Variants in ABCC2 observed in about 807,000 individuals in gnomAD.
ABCC2 encodes the protein ATP binding cassette subfamily C member 2, also known as ATP-binding cassette sub-family C member 2.
ABCC2 carries 157 observed loss-of-function variants against 173.4 expected under a neutral mutation model. That is an observed-to-expected ratio of 0.91 (90% CI 0.80 to 1.03). The LOEUF is 1.03. Ranked by LOEUF, ABCC2 falls within the 50% of genes least tolerant of loss-of-function variation. The probability of loss-of-function intolerance (pLI) is 0.00; values close to 1 mark genes in which losing one functional copy is unlikely to be tolerated. For missense variants in ABCC2, 1,822 were observed against 1,852.3 expected, an observed-to-expected ratio of 0.98 and a Z score of 0.30; for synonymous variants, 657 against 693.5, an observed-to-expected ratio of 0.95 and a Z score of 0.83.
At chr10:99,805,492 G>A in intron 11 of ABCC2, 45 bp downstream of exon 11, 2 of 1,582,242 alleles carry the variant, frequency 1.3e-6, no homozygotes, top group South Asian at 1.1e-5. Context: ...AAGGACAGAA[G>A]CAGTGGCTCT....
intron 11 of ABCC2, among the ~76,000 whole-genome samples, chr10:99,806,077 C>CTCTGTGTGTGTGTGTGTGTGTG (rs10644836): frequency 9.0e-4 from 133 of 148,142 alleles, no homozygotes; most frequent in Middle Eastern, 3.5e-3. Flanking sequence ...CTCTCTCTGT[C>CTCTGTGTGTGTGTGTGTGTGTG]TGTGTGTGTG....
chr10:99,784,210 A>G (rs1218270411), intron 1 of ABCC2, among the ~76,000 whole-genome samples: 1 of 152,112 alleles, frequency 6.6e-6, no homozygotes. Context: ...ATGTTTGAAT[A>G]TCTGCCAGTG....
At chr10:99,786,013 G>A (rs2037704417) in intron 2 of ABCC2, among the ~76,000 whole-genome samples, 2 of 152,188 alleles carry the variant, frequency 1.3e-5, no homozygotes, top group South Asian at 4.1e-4. Flanking sequence ...ATTCAAAAAA[G>A]AACAGTCTCA....
chr10:99,806,077 CTGTGTGTGTG>C (rs10559742), intron 11 of ABCC2, among the ~76,000 whole-genome samples: 6 of 148,038 alleles, frequency 4.1e-5, no homozygotes, highest in African/African-American at 7.6e-5. Context: ...CTCTCTCTGT[CTGTGTGTGTG>C]TGTGTGTGTG....
At chr10:99,824,945 T>C (rs201676600) in intron 19 of ABCC2, among the ~76,000 whole-genome samples, 87 of 89,922 alleles carry the variant, frequency 9.7e-4, no homozygotes, top group Middle Eastern at 0.01. Context: ...GCCACTGATT[T>C]ACCCACACCG....
intron 5 of ABCC2, 151 bp downstream of exon 5, chr10:99,794,150 G>GAC (rs1564671192): frequency 1.4e-5 from 8 of 552,664 alleles, no homozygotes; most frequent in Non-Finnish European, 2.0e-5. Context: ...AGATAGTGAT[G>GAC]AGAGTAAAAT....
At chr10:99,843,665 C>T in intron 26 of ABCC2, 134 bp from the exon 27 acceptor site, 1 of 815,498 alleles carries the variant, frequency 1.2e-6, no homozygotes, top group South Asian at 1.3e-5. Context: ...GTCTTTCTTA[C>T]ACTTTTCCTT....
In ABCC2 at chr10:99,835,543, C is replaced by G. The variant is rs888229162; in HGVS notation, c.3415-548C>G. Among the ~76,000 whole-genome samples, 3 of 152,224 alleles carry G rather than the reference C, an allele frequency of 2.0e-5. 1 individual carries two copies. Among genetic ancestry groups the G allele is most frequent in the Admixed American group, 6.5e-5 (1 of 15,284 alleles). On this transcript the variant is annotated intron_variant, in intron 24 of 31. Transcript: ENST00000647814. ...TTCTACCCTGTTCCAGTTCTTACCC[C>G]CTCAGCACTCTGCATACCTCCAGAA...
chr10:99,806,079 G>GTCTCTCTC (rs2038098238), intron 11 of ABCC2, among the ~76,000 whole-genome samples: 3 of 868 alleles, frequency 3.5e-3, no homozygotes, highest in African/African-American at 6.6e-3. Flanking sequence ...CTCTCTGTCT[G>GTCTCTCTC]TGTGTGTGTG....
At position 99,831,805 on chromosome 10, in the gene ABCC2, C is replaced by A. The variant is rs758890954; in HGVS notation, c.3078C>A (p.Val1026=). Residue 1026 remains valine (V), a synonymous_variant, in exon 22 of 32, where the codon GTC becomes GTA. Transcript: ENST00000647814. ...CTCAGAGGGACATGAGAGTTGGAGT[C>A]TACGGAGCTCTGGGATTAGCCCAAG... The part of the protein sequence containing the change: ...PASQRDMRVG[V]YGALGLAQGI... The A allele has an allele frequency of 1.9e-6, 3 of 1,614,182 alleles. No individual in the cohort carries two copies. In the East Asian group the frequency reaches 6.7e-5, roughly 36 times the overall value.
chr10:99,849,545 C>T (rs1463020087), intron 30 of ABCC2, among the ~76,000 whole-genome samples: 1 of 152,202 alleles, frequency 6.6e-6, no homozygotes, highest in Non-Finnish European at 1.5e-5. Context: ...CTAAAACTTA[C>T]ATTTCTCTGT....
rs764777868 is a variant in ABCC2, at chr10:99,794,497, G to A, written c.632+29G>A. 15 of 1,576,804 alleles carry A rather than the reference G, an allele frequency of 9.5e-6. No individual in the cohort carries two copies. In the African/African-American group the frequency reaches 1.5e-4, roughly 16 times the overall value. On this transcript the variant is annotated intron_variant, in intron 6 of 31. Transcript: ENST00000647814. Reference sequence around the variant, plus strand: ...GGAAAGCCTGGAGTATGGATTGGCTGTATCCTTACTCTCTCACTCCTCTGA... The same window carrying A: ...GGAAAGCCTGGAGTATGGATTGGCTATATCCTTACTCTCTCACTCCTCTGA...
chr10:99,819,024 G>A, intron 18 of ABCC2, 65 bp from the exon 19 acceptor site: 1 of 1,611,356 alleles, frequency 6.2e-7, no homozygotes, highest in Non-Finnish European at 8.5e-7. Context: ...GGACATGTCT[G>A]GCAAGTAAGA....
chr10:99,795,513 A>G (rs2037885178), intron 6 of ABCC2, among the ~76,000 whole-genome samples: 1 of 152,094 alleles, frequency 6.6e-6, no homozygotes, highest in Admixed American at 6.6e-5. Flanking sequence ...AGCCTGGCCA[A>G]CATGGTGAAA....
chr10:99,850,893 C>A, intron 31 of ABCC2, 97 bp downstream of exon 31: 1 of 1,397,982 alleles, frequency 7.2e-7, no homozygotes. Flanking sequence ...AAGGTTTAAC[C>A]ACCACCACAT....
chr10:99,801,240 G>T (rs2038011381), intron 9 of ABCC2, among the ~76,000 whole-genome samples: 1 of 151,850 alleles, frequency 6.6e-6, no homozygotes, highest in Admixed American at 6.6e-5. Context: ...GTTTTGTTTT[G>T]TTTTGGTTGT....
intron 16 of ABCC2, among the ~76,000 whole-genome samples, chr10:99,815,674 A>T (rs538570090): frequency 3.2e-4 from 49 of 152,222 alleles, no homozygotes; most frequent in African/African-American, 7.0e-4. Flanking sequence ...AGATCTTCAT[A>T]TATATATTGC....
At chr10:99,805,914 A>G (rs1055587208) in intron 11 of ABCC2, among the ~76,000 whole-genome samples, 3 of 152,160 alleles carry the variant, frequency 2.0e-5, no homozygotes, top group African/African-American at 7.2e-5. Context: ...CATACCTACA[A>G]AAAAAATTAA....
chr10:99,834,607 T>C (rs1490151698), intron 24 of ABCC2, 72 bp downstream of exon 24: 2 of 1,543,322 alleles, frequency 1.3e-6, no homozygotes, highest in African/African-American at 1.4e-5. Flanking sequence ...TTCCTGAGAA[T>C]CTTCTCTCTG....
Sources: allele counts gnomAD v4.1 joint callset (sites outside exome capture counted in the v4.1 genomes callset), GRCh38; gene constraint gnomAD v4.1.1; transcripts MANE v1.5; gene names NCBI Gene and HGNC (gene_info 2026-07-23, HGNC 2026-07-21).